MACROD2: variants seen among roughly 807,000 people sequenced by gnomAD.
MACROD2 encodes the protein ADP-ribose glycohydrolase MACROD2.
Under a neutral mutation model 70.4 loss-of-function variants are expected in MACROD2, and 36 were observed. The observed-to-expected ratio is 0.51, with a 90% CI of 0.39 to 0.68. The LOEUF (loss-of-function observed/expected upper bound fraction) is 0.68, where lower values mean the gene tolerates loss of function less well. Among genes scored for constraint, MACROD2 ranks in the 30% least tolerant of loss-of-function variants. The pLI, the probability that MACROD2 is intolerant of heterozygous loss-of-function variation, is 0.00. For synonymous variants in MACROD2, 172 were observed against 178.8 expected, an observed-to-expected ratio of 0.96 and a Z score of 0.30; for missense variants, 496 against 538.4, an observed-to-expected ratio of 0.92 and a Z score of 0.78.
chr20:14,018,409 C>G (rs1297775479), intron 2 of MACROD2, among the ~76,000 whole-genome samples: 2 of 152,002 alleles, frequency 1.3e-5, no homozygotes, highest in Admixed American at 1.3e-4. Flanking sequence ...ATTTATAGCT[C>G]TAAATTTTCT....
At chr20:14,795,719 AATC>A (rs1373201418) in intron 5 of MACROD2, among the ~76,000 whole-genome samples, 6 of 152,076 alleles carry the variant, frequency 3.9e-5, no homozygotes, top group African/African-American at 9.7e-5. Context: ...TTTTTTTAAA[AATC>A]ATCAACCATG....
chr20:14,092,642 C>T (rs922454299), intron 3 of MACROD2, among the ~76,000 whole-genome samples: 1 of 152,116 alleles, frequency 6.6e-6, no homozygotes, highest in Non-Finnish European at 1.5e-5. Flanking sequence ...CTGACATCAG[C>T]TTGATTGGGC....
intron 8 of MACROD2, among the ~76,000 whole-genome samples, chr20:15,551,604 C>T (rs924561020): frequency 9.9e-5 from 15 of 151,996 alleles, no homozygotes; most frequent in South Asian, 8.3e-4. Context: ...TCAGGCTGGG[C>T]GCGGTGGCTC....
At chr20:14,839,470 C>T (rs981270278) in intron 5 of MACROD2, among the ~76,000 whole-genome samples, 4 of 152,090 alleles carry the variant, frequency 2.6e-5, no homozygotes, top group Admixed American at 2.0e-4. Context: ...GTTGGCCCAT[C>T]TCCAGTTGAC....
At chr20:15,004,010 C>T (rs917210577) in intron 5 of MACROD2, among the ~76,000 whole-genome samples, 2 of 152,016 alleles carry the variant, frequency 1.3e-5, no homozygotes, top group African/African-American at 2.4e-5. Context: ...TGACCTCCTG[C>T]GAGTTCATCT....
intron 5 of MACROD2, among the ~76,000 whole-genome samples, chr20:14,998,204 C>G (rs2074966146): frequency 6.6e-6 from 1 of 152,116 alleles, no homozygotes; most frequent in South Asian, 2.1e-4. Context: ...ATTCAGTGCT[C>G]AGACATTGAC....
chr20:15,356,673 C>G (rs960745578), intron 6 of MACROD2, among the ~76,000 whole-genome samples: 1 of 152,064 alleles, frequency 6.6e-6, no homozygotes, highest in Non-Finnish European at 1.5e-5. Context: ...AATCCCAGCT[C>G]CTCAGGAGGC....
intron 3 of MACROD2, among the ~76,000 whole-genome samples, chr20:14,448,633 A>C (rs1160219819): frequency 6.6e-6 from 1 of 151,720 alleles, no homozygotes; most frequent in Non-Finnish European, 1.5e-5. Context: ...ATGCCACTGC[A>C]CTCCAGCCTG....
chr20:15,903,329 C>T (rs2065094340), intron 10 of MACROD2, among the ~76,000 whole-genome samples: 1 of 151,326 alleles, frequency 6.6e-6, no homozygotes, highest in South Asian at 2.1e-4. Flanking sequence ...AAAAAAGAAA[C>T]AACAACAGCG....
chr20:14,782,609 G>GCCAGCCC (rs1200256099), intron 5 of MACROD2, among the ~76,000 whole-genome samples: 1 of 151,946 alleles, frequency 6.6e-6, no homozygotes, highest in Non-Finnish European at 1.5e-5. Flanking sequence ...ATATGAAAAG[G>GCCAGCCC]CCAGCCCCTT....
At chr20:14,368,529 C>T (rs531149588) in intron 3 of MACROD2, among the ~76,000 whole-genome samples, 4 of 150,688 alleles carry the variant, frequency 2.7e-5, no homozygotes, top group South Asian at 4.2e-4. Context: ...GGTGACAGAG[C>T]GAGACTCTGT....
At chr20:15,672,994 C>T (rs372031906) in intron 8 of MACROD2, among the ~76,000 whole-genome samples, 1 of 152,186 alleles carries the variant, frequency 6.6e-6, no homozygotes, top group African/African-American at 2.4e-5. Context: ...GTAAGACATG[C>T]CTTTTACCTT....
chr20:14,562,694 A>T (rs1979518646), intron 4 of MACROD2, among the ~76,000 whole-genome samples: 2 of 151,680 alleles, frequency 1.3e-5, no homozygotes, highest in Admixed American at 1.3e-4. Flanking sequence ...ATCACCCTAG[A>T]CCCTAAATTG....
At chr20:16,010,425 G>A (rs1311941135) in intron 15 of MACROD2, among the ~76,000 whole-genome samples, 2 of 152,160 alleles carry the variant, frequency 1.3e-5, no homozygotes, top group African/African-American at 4.8e-5. Context: ...AGTATAAAAG[G>A]ATAGTACTTT....
chr20:15,150,495 G>C (rs1391782243), intron 5 of MACROD2, among the ~76,000 whole-genome samples: 1 of 151,994 alleles, frequency 6.6e-6, no homozygotes, highest in Admixed American at 6.5e-5. Context: ...AGAATTTATA[G>C]GTTTTAGAAG....
intron 4 of MACROD2, among the ~76,000 whole-genome samples, chr20:14,564,889 T>C (rs1238287741): frequency 6.6e-6 from 1 of 151,992 alleles, no homozygotes; most frequent in South Asian, 2.1e-4. Flanking sequence ...TGTGTTCATA[T>C]GCTTATTGCA....
At chr20:15,266,518 G>C (rs1335382370) in intron 6 of MACROD2, among the ~76,000 whole-genome samples, 2 of 152,184 alleles carry the variant, frequency 1.3e-5, no homozygotes, top group Non-Finnish European at 2.9e-5. Flanking sequence ...TTCTAAGTAG[G>C]TATAATCAGG....
chr20:14,445,358 C>T (rs2084171920), intron 3 of MACROD2, among the ~76,000 whole-genome samples: 1 of 152,094 alleles, frequency 6.6e-6, no homozygotes, highest in South Asian at 2.1e-4. Flanking sequence ...GAACCCATCT[C>T]TTTTGCACAA....
chr20:14,562,563 A>C (rs1979508814), intron 4 of MACROD2, among the ~76,000 whole-genome samples: 1 of 151,932 alleles, frequency 6.6e-6, no homozygotes, highest in African/African-American at 2.4e-5. Flanking sequence ...TGTAGTTGGC[A>C]ACAAAAATGA....
Sources: allele counts gnomAD v4.1 joint callset (sites outside exome capture counted in the v4.1 genomes callset), GRCh38; gene constraint gnomAD v4.1.1; transcripts MANE v1.5; gene names NCBI Gene and HGNC (gene_info 2026-07-23, HGNC 2026-07-21).